The following PARD3 variants were observed in gnomAD, a reference collection of about 807,000 sequenced individuals.
PARD3 encodes the protein par-3 family cell polarity regulator, also known as partitioning defective 3 homolog.
A neutral mutation model predicts 155.4 loss-of-function variants in PARD3; 75 were observed. That is an observed-to-expected ratio of 0.48 (90% CI 0.40 to 0.58). PARD3 has a LOEUF of 0.58. Among genes scored for constraint, PARD3 ranks in the 20% least tolerant of loss-of-function variants. The pLI is 0.00. For synonymous variants in PARD3, 576 were observed against 610.5 expected, an observed-to-expected ratio of 0.94 and a Z score of 0.83; for missense variants, 1,642 against 1,721.7, an observed-to-expected ratio of 0.95 and a Z score of 0.82.
chr10:34,136,546 A>T (rs1947908452), intron 22 of PARD3, among the ~76,000 whole-genome samples: 1 of 152,126 alleles, frequency 6.6e-6, no homozygotes. Context: ...TTCCCATAGC[A>T]GGGGGGAGAA....
At chr10:34,705,168 T>A (rs2094344281) in intron 1 of PARD3, among the ~76,000 whole-genome samples, 1 of 152,322 alleles carries the variant, frequency 6.6e-6, no homozygotes, top group East Asian at 1.9e-4. Context: ...GCTTCATTTT[T>A]AAAAATGCTG....
At chr10:34,229,669 TG>T (rs1952815204) in intron 22 of PARD3, among the ~76,000 whole-genome samples, 2 of 147,148 alleles carry the variant, frequency 1.4e-5, no homozygotes, top group Non-Finnish European at 3.1e-5. Flanking sequence ...TGCGTGTGTG[TG>T]TGTGTGTGTG....
At chr10:34,157,767 T>C (rs1440680416) in intron 22 of PARD3, among the ~76,000 whole-genome samples, 2 of 152,178 alleles carry the variant, frequency 1.3e-5, no homozygotes, top group African/African-American at 4.8e-5. Context: ...TTTTCATGGT[T>C]CTGATACACA....
At chr10:34,539,395 G>A (rs960943589) in intron 2 of PARD3, among the ~76,000 whole-genome samples, 6 of 152,148 alleles carry the variant, frequency 3.9e-5, no homozygotes, top group African/African-American at 7.2e-5. Flanking sequence ...TCAGCCAGGC[G>A]CAGTGGCTCA....
At position 34,331,202 on chromosome 10, in the gene PARD3, C is replaced by T; in HGVS notation, c.2748G>A (p.Arg916=). The change falls in exon 19 of 25, where the codon AGG becomes AGA. Residue 916 remains arginine, a synonymous_variant. Transcript: ENST00000374788. Reference sequence around the variant, plus strand: ...CAGCTCTGAAGCTCTCATTGCATCCCCTGCCTCTGATTATCCGCGGCCGTG... The same window carrying T: ...CAGCTCTGAAGCTCTCATTGCATCCTCTGCCTCTGATTATCCGCGGCCGTG... ...HRPRPRIIRG[R]GCNESFRAAI... The T allele has an allele frequency of 6.2e-7, 1 of 1,614,010 alleles. No homozygotes were observed. Among genetic ancestry groups the T allele is most frequent in the Non-Finnish European group, 8.5e-7 (1 of 1,179,990 alleles).
chr10:34,655,105 T>C (rs1564466419), intron 2 of PARD3, among the ~76,000 whole-genome samples: 1 of 151,500 alleles, frequency 6.6e-6, no homozygotes, highest in Non-Finnish European at 1.5e-5. Flanking sequence ...TCCCTTTATC[T>C]AGTATCAAGT....
At chr10:34,113,040 G>A (rs938006188) in intron 24 of PARD3, among the ~76,000 whole-genome samples, 2 of 152,228 alleles carry the variant, frequency 1.3e-5, no homozygotes, top group African/African-American at 4.8e-5. Flanking sequence ...GTTGGAAAAT[G>A]CCGGCATGAA....
At chr10:34,705,551 G>C (rs548787680) in intron 1 of PARD3, among the ~76,000 whole-genome samples, 1 of 151,558 alleles carries the variant, frequency 6.6e-6, no homozygotes, top group South Asian at 2.1e-4. Context: ...CTTCAATCTT[G>C]TTACAGGAAC....
chr10:34,695,133 A>G (rs904204783), intron 2 of PARD3, among the ~76,000 whole-genome samples: 21 of 152,344 alleles, frequency 1.4e-4, no homozygotes, highest in Non-Finnish European at 2.1e-4. Context: ...TGATGTAACT[A>G]TGTATGTGGC....
rs117634802 is a variant in PARD3, at chr10:34,222,953, C to T, written c.3419+46704G>A. Among the ~76,000 whole-genome samples the T allele has an allele frequency of 7.1e-3, 1,089 of 152,358 alleles. 3 individuals are homozygous for T. Among genetic ancestry groups the T allele is most frequent in the Middle Eastern group, 0.031 (9 of 294 alleles). ...GGGCAGCACTCCTGCGCCTATTCAG[C>T]TGCCGAAAACCTTTTCGCAGGTGTA... On this transcript the variant is annotated intron_variant, in intron 22 of 24. Transcript: ENST00000374788.
intron 22 of PARD3, among the ~76,000 whole-genome samples, chr10:34,187,102 C>T (rs981195994): frequency 1.3e-5 from 2 of 152,150 alleles, no homozygotes; most frequent in African/African-American, 4.8e-5. Context: ...TTTATTGCTA[C>T]GTGAAGTCTT....
At chr10:34,659,477 G>A (rs747426252) in intron 2 of PARD3, among the ~76,000 whole-genome samples, 5 of 152,002 alleles carry the variant, frequency 3.3e-5, no homozygotes, top group Non-Finnish European at 7.4e-5. Context: ...TTTAAAGGAA[G>A]TGCCACTCAC....
intron 3 of PARD3, among the ~76,000 whole-genome samples, chr10:34,477,352 G>A (rs894362464): frequency 6.6e-6 from 1 of 152,162 alleles, no homozygotes; most frequent in Non-Finnish European, 1.5e-5. Context: ...CAAAGACAAG[G>A]ATCTTCAATA....
At chr10:34,178,410 A>AG (rs1468993267) in intron 22 of PARD3, among the ~76,000 whole-genome samples, 2 of 152,220 alleles carry the variant, frequency 1.3e-5, no homozygotes, top group Non-Finnish European at 2.9e-5. Context: ...ACAAAGACGG[A>AG]GGTGCCAACA....
At chr10:34,684,820 C>CACACACACACACACACAT (rs2093919930) in intron 2 of PARD3, among the ~76,000 whole-genome samples, 1 of 125,574 alleles carries the variant, frequency 8.0e-6, no homozygotes, top group Non-Finnish European at 1.6e-5. Flanking sequence ...CACACACACA[C>CACACACACACACACACAT]ACACACACAC....
At position 34,580,406 on chromosome 10, in the gene PARD3, G is replaced by A. The variant is rs542625010; in HGVS notation, c.223-63247C>T. Among the ~76,000 whole-genome samples, 16 of 152,100 alleles carry A rather than the reference G, an allele frequency of 1.1e-4. No homozygotes were observed. In the South Asian group the frequency reaches 1.5e-3, roughly 14 times the overall value. On this transcript the variant is annotated intron_variant, in intron 2 of 24. Coordinates refer to ENST00000374788, the MANE Select transcript of PARD3 (RefSeq NM_001184785.2). ...AAAAATTAGCCAGGCATGGTGGCACGTGCCTGTGGTCCCAGCTACTCGGGA... is the reference window on the plus strand; with the variant it reads ...AAAAATTAGCCAGGCATGGTGGCACATGCCTGTGGTCCCAGCTACTCGGGA...
chr10:34,660,110 A>T (rs570600283), intron 2 of PARD3, among the ~76,000 whole-genome samples: 25 of 152,350 alleles, frequency 1.6e-4, no homozygotes, highest in Non-Finnish European at 3.7e-4. Context: ...ATAACCCATA[A>T]CATCAATAAC....
chr10:34,329,872 AT>A (rs1191362953), intron 19 of PARD3, among the ~76,000 whole-genome samples: 3 of 152,220 alleles, frequency 2.0e-5, no homozygotes, highest in African/African-American at 7.2e-5. Context: ...CATTATATGT[AT>A]AAGCATTATA....
chr10:34,814,916 A>G lies in PARD3; in HGVS notation c.80T>C (p.Ile27Thr). The G allele has an allele frequency of 6.4e-7, 1 of 1,555,910 alleles. No homozygotes were observed. Among genetic ancestry groups the G allele is most frequent in the Non-Finnish European group, 8.7e-7 (1 of 1,152,674 alleles). Residue 27 changes from isoleucine to threonine, a missense_variant, in exon 1 of 25, where the codon ATC (isoleucine) becomes ACC (threonine). This residue lies in a region of PARD3 where 75 missense variants were observed against 65.3 expected (regional missense o/e 1.15). Coordinates refer to ENST00000374788, the MANE Select transcript of PARD3 (RefSeq NM_001184785.2). The stretch of plus-strand genomic sequence containing the variant: ...CCGGTAGCGGGTCACCGCCTGCTGG[A>G]TGAGGCTGAAAACTTTCATGTGGCC... ...GDGHMKVFSLIQQAVTRYRKA... is the reference protein window; with the variant it reads ...GDGHMKVFSLTQQAVTRYRKA...
Sources: allele counts gnomAD v4.1 joint callset (sites outside exome capture counted in the v4.1 genomes callset), GRCh38; gene constraint gnomAD v4.1.1; regional missense constraint gnomAD v4.1.1; transcripts MANE v1.5; gene names NCBI Gene and HGNC (gene_info 2026-07-23, HGNC 2026-07-21).